The following CELF1 variants were observed in gnomAD, a reference collection of about 807,000 sequenced individuals.
CELF1 encodes the protein CUGBP Elav-like family member 1.
CELF1 carries 10 observed loss-of-function variants against 61.8 expected under a neutral mutation model. That is an observed-to-expected ratio of 0.16 (90% CI 0.10 to 0.27). CELF1 has a LOEUF of 0.27. Ranked by LOEUF, CELF1 falls within the 10% of genes least tolerant of loss-of-function variation. The probability of loss-of-function intolerance (pLI) is 1.00; values close to 1 mark genes in which losing one functional copy is unlikely to be tolerated. For synonymous variants in CELF1, 236 were observed against 225.1 expected (o/e 1.05, Z -0.43); for missense variants, 380 against 639.1 (o/e 0.59, Z 4.37).
At chr11:47,562,507 CA>C (rs1181016535) in intron 2 of CELF1, among the ~76,000 whole-genome samples, 1 of 96,270 alleles carries the variant, frequency 1.0e-5, no homozygotes, top group Non-Finnish European at 1.9e-5. Flanking sequence ...CCAGCCTGGG[CA>C]ACAGGAGTGA....
intron 1 of CELF1, among the ~76,000 whole-genome samples, chr11:47,541,559 G>A (rs1027082367): frequency 2.0e-5 from 3 of 151,524 alleles, no homozygotes; most frequent in South Asian, 2.1e-4. Context: ...GTGTGGTGGC[G>A]CATGCCTATA....
chr11:47,552,784 C>T (rs965043347), intron 1 of CELF1, among the ~76,000 whole-genome samples: 8 of 152,146 alleles, frequency 5.3e-5, no homozygotes, highest in Non-Finnish European at 7.4e-5. Context: ...GCTGGGCAAA[C>T]GCGACAGGAC....
Position 47,553,026 on chromosome 11 carries a change from T to G in CELF1, c.-188A>C. 2.5e-6 allele frequency: 1 copy of G among 399,100 alleles called. No homozygotes were observed. Among genetic ancestry groups the G allele is most frequent in the South Asian group, 1.2e-4 (1 of 8,030 alleles). The allele number at this position is 399,100 out of a possible 1,614,324, so 24.7% of individuals were successfully genotyped here. A position where few individuals can be genotyped will look rare whatever the true frequency, so the allele number is the denominator to read the frequency against. On this transcript the variant is annotated 5_prime_UTR_variant, in exon 1 of 15. Coordinates refer to ENST00000687097, the MANE Select transcript of CELF1 (RefSeq NM_001376376.1). Reference sequence around the variant, plus strand: ...CACCTGAGCCTGCCGCTGCCTCAGTTGCTGCCTGCGCCTCCGCAGCCGCCG... The same window carrying G: ...CACCTGAGCCTGCCGCTGCCTCAGTGGCTGCCTGCGCCTCCGCAGCCGCCG...
At chr11:47,540,079 T>C (rs1384850796) in intron 1 of CELF1, among the ~76,000 whole-genome samples, 2 of 152,168 alleles carry the variant, frequency 1.3e-5, no homozygotes, top group East Asian at 3.8e-4. Flanking sequence ...AATCACAAGG[T>C]ATAATTAGAG....
intron 2 of CELF1, among the ~76,000 whole-genome samples, chr11:47,558,566 AATATATAAATATATATATATATTTATATT>A (rs1401949279): frequency 1.9e-5 from 2 of 106,214 alleles, no homozygotes; most frequent in Non-Finnish European, 3.6e-5. Context: ...ATTTATATAT[AATATATAAATATATATATATATTTATATT>A]ATATATGTAT....
chr11:47,532,040 T>TA (rs1386243243), intron 1 of CELF1, among the ~76,000 whole-genome samples: 3 of 152,112 alleles, frequency 2.0e-5, no homozygotes, highest in Admixed American at 6.6e-5. Flanking sequence ...TTTTTATTTT[T>TA]TTTTTTTTGA....
At chr11:47,527,483 G>C (rs1049902942) in intron 1 of CELF1, among the ~76,000 whole-genome samples, 1 of 152,076 alleles carries the variant, frequency 6.6e-6, no homozygotes, top group Non-Finnish European at 1.5e-5. Context: ...CCAGCACTTT[G>C]AGAGGTCAAG....
At chr11:47,495,366 T>C (rs970409664) in intron 3 of CELF1, among the ~76,000 whole-genome samples, 1 of 152,034 alleles carries the variant, frequency 6.6e-6, no homozygotes, top group Non-Finnish European at 1.5e-5. Flanking sequence ...AGGTTGGTGG[T>C]TGCTTAGGAA....
At position 47,472,122 on chromosome 11, in the gene CELF1, C is replaced by G. The variant is rs981104057; in HGVS notation, c.*108G>C. 3.0e-6 allele frequency: 4 copies of G among 1,328,804 alleles called. No homozygotes were observed. The highest frequency in any genetic ancestry group is 4.0e-5 in the Admixed American group (2 of 49,832). The allele number at this position is 1,328,804 out of a possible 1,614,324, so 82.3% of individuals were successfully genotyped here. A position where few individuals can be genotyped will look rare whatever the true frequency, so the allele number is the denominator to read the frequency against. On this transcript the variant is annotated 3_prime_UTR_variant, in exon 15 of 15. Coordinates refer to ENST00000687097, the MANE Select transcript of CELF1 (RefSeq NM_001376376.1). ...CTGTGCCTGCGAGAGTGGCAGGGAT[C>G]AGGGTCCAGGGCTGTCAACACACAG... is the stretch of plus-strand genomic sequence containing the variant.
chr11:47,553,040 C>G lies in CELF1; in HGVS notation c.-202G>C. On this transcript the variant is annotated 5_prime_UTR_variant, in exon 1 of 15. Transcript: ENST00000687097. ...GCTGCCTCAGTTGCTGCCTGCGCCT[C>G]CGCAGCCGCCGCCGCCGCCTCGCTG... The G allele has an allele frequency of 2.5e-6, 1 of 401,344 alleles. No individual in the cohort carries two copies. The highest frequency in any genetic ancestry group is 4.4e-6 in the Non-Finnish European group (1 of 228,362). The allele number at this position is 401,344 out of a possible 1,614,324, so 24.9% of individuals were successfully genotyped here. A position where few individuals can be genotyped will look rare whatever the true frequency, so the allele number is the denominator to read the frequency against.
At chr11:47,533,285 A>G (rs2096535514) in intron 1 of CELF1, among the ~76,000 whole-genome samples, 1 of 152,124 alleles carries the variant, frequency 6.6e-6, no homozygotes, top group Non-Finnish European at 1.5e-5. Context: ...TCAGGAATTC[A>G]AGACTAGCCT....
intron 1 of CELF1, among the ~76,000 whole-genome samples, chr11:47,544,704 T>G (rs759739775): frequency 5.3e-5 from 8 of 152,206 alleles, no homozygotes; most frequent in South Asian, 2.1e-4. Flanking sequence ...AGGATTATAT[T>G]AATAGCAATC....
intron 3 of CELF1, among the ~76,000 whole-genome samples, chr11:47,493,957 C>A (rs1404490752): frequency 2.0e-5 from 3 of 152,204 alleles, no homozygotes. Context: ...TACACATCAG[C>A]TACCACATCA....
intron 1 of CELF1, among the ~76,000 whole-genome samples, chr11:47,526,961 G>T (rs1175298695): frequency 2.0e-5 from 3 of 151,486 alleles, no homozygotes; most frequent in Admixed American, 6.6e-5. Flanking sequence ...TGAGGCAGGA[G>T]AATCACTTGA....
chr11:47,516,180 A>C (rs898441805), intron 1 of CELF1, among the ~76,000 whole-genome samples: 1 of 152,086 alleles, frequency 6.6e-6, no homozygotes, highest in African/African-American at 2.4e-5. Flanking sequence ...TGACAGAGCA[A>C]GACTCTGTCT....
At chr11:47,481,125 T>TTTC in intron 9 of CELF1, among the ~76,000 whole-genome samples, 1 of 139,550 alleles carries the variant, frequency 7.2e-6, no homozygotes, top group Non-Finnish European at 1.5e-5. Flanking sequence ...TTTTTTTTTT[T>TTTC]TTGTGAGACA....
intron 3 of CELF1, among the ~76,000 whole-genome samples, chr11:47,489,955 T>TTTTTTTTTTTTA (rs71042675): frequency 7.1e-6 from 1 of 141,282 alleles, no homozygotes; most frequent in Non-Finnish European, 1.5e-5. Flanking sequence ...TTTTTTTTTT[T>TTTTTTTTTTTTA]GAGACGGAAT....
chr11:47,484,014 G>A (rs767129737), intron 7 of CELF1, among the ~76,000 whole-genome samples: 6 of 152,096 alleles, frequency 3.9e-5, no homozygotes, highest in African/African-American at 7.2e-5. Flanking sequence ...GGGAATCACT[G>A]TTGCTAGTTT....
At chr11:47,512,025 T>C (rs2095233545) in intron 1 of CELF1, among the ~76,000 whole-genome samples, 1 of 152,106 alleles carries the variant, frequency 6.6e-6, no homozygotes, top group Non-Finnish European at 1.5e-5. Context: ...ATGTTTTGTA[T>C]TTTCAGCAGA....
Sources: allele counts gnomAD v4.1 joint callset (sites outside exome capture counted in the v4.1 genomes callset), GRCh38; gene constraint gnomAD v4.1.1; transcripts MANE v1.5; gene names NCBI Gene and HGNC (gene_info 2026-07-23, HGNC 2026-07-21).